Variants in H3-3B observed in about 807,000 individuals in gnomAD.
The protein encoded by H3-3B is H3.3 histone B.
Under a neutral mutation model 13.1 loss-of-function variants are expected in H3-3B, and 2 were observed. The observed-to-expected ratio is 0.15, with a 90% CI of 0.06 to 0.48. The LOEUF (loss-of-function observed/expected upper bound fraction) is 0.48. Ranked by LOEUF, H3-3B falls within the 20% of genes least tolerant of loss-of-function variation. The pLI, the probability that H3-3B is intolerant of heterozygous loss-of-function variation, is 0.97. For synonymous variants in H3-3B, 133 were observed against 75.8 expected (o/e 1.76, Z -3.92); for missense variants, 39 against 186.0 (o/e 0.21, Z 4.60).
chr17:75,779,246 G>A (rs929906796), intron 1 of H3-3B, 62 bp from the exon 2 acceptor site: 4 of 1,399,134 alleles, frequency 2.9e-6, no homozygotes, highest in African/African-American at 3.0e-5. Context: ...CCAGGGCTGC[G>A]GGGGGAGGAA....
In H3-3B at chr17:75,778,694, C is replaced by G. The variant is rs778457410; in HGVS notation, c.312G>C (p.Leu104=). 6.2e-7 allele frequency: 1 copy of G among 1,614,206 alleles called. No homozygotes were observed. The part of the protein sequence containing the change: ...QEASEAYLVG[L]FEDTNLCAIH... ...TGGCACACAGGTTGGTATCTTCGAA[C>G]AGACCCACCAGGTACGCTTCGCTAG... Residue 104 remains leucine, a synonymous_variant, in exon 4 of 4, where the codon CTG becomes CTC. Transcript: ENST00000254810.
chr17:75,778,441 GAA>G lies in H3-3B; in HGVS notation c.*152_*153del. On this transcript the variant is annotated 3_prime_UTR_variant, in exon 4 of 4. Transcript: ENST00000254810. The stretch of plus-strand genomic sequence containing the variant: ...CAGTGCTCACATCACTGAGGTCTGT[GAA>G]CAGTCACTTTTCGCATTCATCCTGA... 1 of 1,074,522 alleles carries G rather than the reference GAA, an allele frequency of 9.3e-7. No homozygotes were observed. 66.6% of individuals were successfully genotyped at this position (1,074,522 alleles called of 1,614,324 possible).
rs924807606 is a variant in H3-3B at position 75,779,232 on chromosome 17, C to T, written c.-10-48G>A. Reference sequence around the variant, plus strand: ...AAGGCCGCCGCGCTCACCCGGGCCGCCCCCCAGGGCTGCGGGGGGAGGAAC... The same window carrying T: ...AAGGCCGCCGCGCTCACCCGGGCCGTCCCCCAGGGCTGCGGGGGGAGGAAC... On this transcript the variant is annotated intron_variant, in intron 1 of 3. Transcript: ENST00000254810. 5 of 1,426,464 alleles carry T rather than the reference C, an allele frequency of 3.5e-6. No homozygotes were observed. In the African/African-American group the frequency reaches 4.4e-5, roughly 13 times the overall value. 88.4% of individuals were successfully genotyped at this position (1,426,464 alleles called of 1,614,324 possible).
chr17:75,779,354 G>A, intron 1 of H3-3B, 170 bp from the exon 2 acceptor site: 1 of 589,846 alleles, frequency 1.7e-6, no homozygotes, highest in Non-Finnish European at 2.5e-6. Flanking sequence ...CTCCCCTAAT[G>A]ACTCAGGCTG....
In H3-3B at chr17:75,777,934, TTTAC is replaced by T. The variant is rs1199574500; in HGVS notation, c.*657_*660del. 3.3e-5 allele frequency: 5 copies of T among 152,622 alleles called. No individual in the cohort carries two copies. The highest frequency in any genetic ancestry group is 9.7e-5 in the African/African-American group (4 of 41,438). 9.5% of individuals were successfully genotyped at this position (152,622 alleles called of 1,614,324 possible). A position where few individuals can be genotyped will look rare whatever the true frequency, so the allele number is the denominator to read the frequency against. On this transcript the variant is annotated 3_prime_UTR_variant, in exon 4 of 4. Coordinates refer to ENST00000254810, the MANE Select transcript of H3-3B (RefSeq NM_005324.5). ...TGCAAGGTATAAATGCGCATAGCATTTTACTACTATGAGAACAAGTGCAGTCAGA... is the reference window on the plus strand; with the variant it reads ...TGCAAGGTATAAATGCGCATAGCATTTACTATGAGAACAAGTGCAGTCAGA...
intron 3 of H3-3B, 29 bp from the exon 4 acceptor site, chr17:75,778,752 T>C (rs779570578): frequency 1.4e-5 from 23 of 1,613,974 alleles, no homozygotes; most frequent in Non-Finnish European, 1.9e-5. Context: ...GCACTATTAA[T>C]CCCACTCGGG....
Position 75,778,954 on chromosome 17 carries a change from G to A in H3-3B, c.138C>T (p.Thr46=), listed in dbSNP as rs1033399291. The part of the protein sequence containing the change: ...VKKPHRYRPG[T]VALREIRRYQ... ...AACGACGAATCTCTCGAAGCGCCAC[G>A]GTCCCGGGCCTGCAGCGAGCAGGGG... is the stretch of plus-strand genomic sequence containing the variant. The change falls in exon 3 of 4, where the codon ACC becomes ACT. Residue 46 remains threonine (T), a synonymous_variant. Transcript: ENST00000254810. 6.2e-6 allele frequency: 10 copies of A among 1,613,976 alleles called. No homozygotes were observed. Among genetic ancestry groups the A allele is most frequent in the East Asian group, 2.2e-5 (1 of 44,892 alleles).
At chr17:75,779,518 A>C in intron 1 of H3-3B, 139 bp downstream of exon 1, 1 of 180,336 alleles carries the variant, frequency 5.5e-6, no homozygotes, top group East Asian at 1.4e-4. Context: ...CAAAGCCCCA[A>C]GGGGAAACCT....
chr17:75,778,541 A>T lies in H3-3B; in HGVS notation c.*54T>A. On this transcript the variant is annotated 3_prime_UTR_variant, in exon 4 of 4. Coordinates refer to ENST00000254810, the MANE Select transcript of H3-3B (RefSeq NM_005324.5). ...TTTCTTACAAAAAAAGTCACAAATT[A>T]AACCAAAGTATTTTACAGAATTTAC... 2 of 1,569,098 alleles carry T rather than the reference A, an allele frequency of 1.3e-6. No homozygotes were observed. The highest frequency in any genetic ancestry group is 2.3e-5 in the South Asian group (2 of 85,154).
rs576403103 is a variant in H3-3B, at chr17:75,778,002, G to A, written c.*593C>T. On this transcript the variant is annotated 3_prime_UTR_variant, in exon 4 of 4. Coordinates refer to ENST00000254810, the MANE Select transcript of H3-3B (RefSeq NM_005324.5). ...GACTCTAAATTACACACACCTTAAT[G>A]ACAAGACTCCCCACCACTTGTGAAT... 2 of 152,736 alleles carry A rather than the reference G, an allele frequency of 1.3e-5. No individual in the cohort carries two copies. The highest frequency in any genetic ancestry group is 2.4e-5 in the African/African-American group (1 of 41,514). 9.5% of individuals were successfully genotyped at this position (152,736 alleles called of 1,614,324 possible).
In H3-3B at chr17:75,778,531, G is replaced by T. The variant is rs944391475; in HGVS notation, c.*64C>A. The stretch of plus-strand genomic sequence containing the variant: ...TTATAAACAATTTCTTACAAAAAAA[G>T]TCACAAATTAAACCAAAGTATTTTA... On this transcript the variant is annotated 3_prime_UTR_variant, in exon 4 of 4. Coordinates refer to ENST00000254810, the MANE Select transcript of H3-3B (RefSeq NM_005324.5). 1.9e-6 allele frequency: 3 copies of T among 1,555,618 alleles called. No individual in the cohort carries two copies. The highest frequency in any genetic ancestry group is 2.0e-5 in the Admixed American group (1 of 49,842).
chr17:75,778,024 G>C lies in H3-3B; in HGVS notation c.*571C>G, dbSNP rs1402577819. The C allele has an allele frequency of 6.6e-6, 1 of 152,530 alleles. No homozygotes were observed. The highest frequency in any genetic ancestry group is 2.4e-5 in the African/African-American group (1 of 41,368). 9.4% of individuals were successfully genotyped at this position (152,530 alleles called of 1,614,324 possible). A position where few individuals can be genotyped will look rare whatever the true frequency, so the allele number is the denominator to read the frequency against. On this transcript the variant is annotated 3_prime_UTR_variant, in exon 4 of 4. Coordinates refer to ENST00000254810, the MANE Select transcript of H3-3B (RefSeq NM_005324.5). ...AATGACAAGACTCCCCACCACTTGTGAATGTAAAACATTTAATTTAAAAAT... is the reference window on the plus strand; with the variant it reads ...AATGACAAGACTCCCCACCACTTGTCAATGTAAAACATTTAATTTAAAAAT...
At position 75,778,765 on chromosome 17, in the gene H3-3B, G is replaced by A. The variant is rs780930857; in HGVS notation, c.283-42C>T. The stretch of plus-strand genomic sequence containing the variant: ...CCGCACTATTAATCCCACTCGGGGA[G>A]CGGAAACCGCCCAGCCCTCCCCCGG... On this transcript the variant is annotated intron_variant, in intron 3 of 3. Transcript: ENST00000254810. The A allele has an allele frequency of 1.3e-5, 21 of 1,614,134 alleles. No individual in the cohort carries two copies. The East Asian group carries it at 4.2e-4, about 33-fold the overall frequency.
intron 1 of H3-3B, 136 bp downstream of exon 1, chr17:75,779,521 G>A (rs1004231996): frequency 1.7e-5 from 3 of 179,926 alleles, no homozygotes; most frequent in East Asian, 1.4e-4. Context: ...AGCCCCAAGG[G>A]GAAACCTCCC....
At chr17:75,779,353 T>C (rs1390040746) in intron 1 of H3-3B, 169 bp from the exon 2 acceptor site, 2 of 578,194 alleles carry the variant, frequency 3.5e-6, no homozygotes, top group East Asian at 3.6e-5. Flanking sequence ...CCTCCCCTAA[T>C]GACTCAGGCT....
chr17:75,778,796 G>C lies in H3-3B; in HGVS notation c.282+14C>G, dbSNP rs9895763. 40 of 1,613,916 alleles carry C rather than the reference G, an allele frequency of 2.5e-5. No homozygotes were observed. The highest frequency in any genetic ancestry group is 3.3e-5 in the Non-Finnish European group (39 of 1,179,990). On this transcript the variant is annotated intron_variant, in intron 3 of 3. Coordinates refer to ENST00000254810, the MANE Select transcript of H3-3B (RefSeq NM_005324.5). Reference sequence around the variant, plus strand: ...ACCGCCCAGCCCTCCCCCGGCTCCAGGCCTTTGTCTTACCTGCAGCGCACC... The same window carrying C: ...ACCGCCCAGCCCTCCCCCGGCTCCACGCCTTTGTCTTACCTGCAGCGCACC...
In H3-3B at chr17:75,778,091, T is replaced by TA. The variant is rs1567784957; in HGVS notation, c.*503dup. On this transcript the variant is annotated 3_prime_UTR_variant, in exon 4 of 4. Transcript: ENST00000254810. The stretch of plus-strand genomic sequence containing the variant: ...ATAAAATAGCTATTATAAATGCACA[T>TA]AGTGTATTCTATAGCTGCCAGGTTT... The TA allele has an allele frequency of 6.5e-6, 1 of 152,790 alleles. No individual in the cohort carries two copies. Among genetic ancestry groups the TA allele is most frequent in the Non-Finnish European group, 1.5e-5 (1 of 68,270 alleles). 9.5% of individuals were successfully genotyped at this position (152,790 alleles called of 1,614,324 possible).
Position 75,776,940 on chromosome 17 carries a change from C to G in H3-3B, c.*1655G>C, listed in dbSNP as rs1424023889. On this transcript the variant is annotated 3_prime_UTR_variant, in exon 4 of 4. Transcript: ENST00000254810. ...GCATCCTTTCATAGGAGCTCATTAT[C>G]ACGACCTGAAAGATACCTACTTTAC... is the stretch of plus-strand genomic sequence containing the variant. 6.6e-6 allele frequency: 1 copy of G among 152,210 alleles called. No individual in the cohort carries two copies. Among genetic ancestry groups the G allele is most frequent in the African/African-American group, 2.4e-5 (1 of 41,442 alleles). 9.4% of individuals were successfully genotyped at this position (152,210 alleles called of 1,614,324 possible). A position where few individuals can be genotyped will look rare whatever the true frequency, so the allele number is the denominator to read the frequency against.
intron 1 of H3-3B, 170 bp downstream of exon 1, chr17:75,779,487 G>A (rs1228480670): frequency 2.2e-5 from 5 of 228,536 alleles, no homozygotes; most frequent in East Asian, 8.3e-5. Context: ...GCCGGGAAAA[G>A]GCGGGGACAC....
Sources: gnomAD v4.1 joint callset for allele counts on GRCh38, gnomAD v4.1.1 for gene constraint, MANE v1.5 for transcripts, NCBI Gene and HGNC (gene_info 2026-07-23, HGNC 2026-07-21) for gene names.